PTGER3: variants seen among roughly 807,000 people sequenced by gnomAD.
The protein encoded by PTGER3 is prostaglandin E2 receptor EP3 subtype.
PTGER3 carries 22 observed loss-of-function variants against 34.7 expected under a neutral mutation model. The ratio of observed to expected loss-of-function variants is 0.63; its 90% CI spans 0.45 to 0.91. The LOEUF (loss-of-function observed/expected upper bound fraction) is 0.91, where lower values mean the gene tolerates loss of function less well. Among genes scored for constraint, PTGER3 ranks in the 40% least tolerant of loss-of-function variants. The pLI is 0.00. For missense variants in PTGER3, 468 were observed against 519.4 expected (o/e 0.90, Z 0.96); for synonymous variants, 241 against 230.1 (o/e 1.05, Z -0.43).
chr1:70,869,364 A>G (rs1478496806), intron 4 of PTGER3: 1 of 453,416 alleles, frequency 2.2e-6, no homozygotes, highest in Non-Finnish European at 4.5e-6. Context: ...GGCATGGACA[A>G]ATATCCAAAC....
intron 4 of PTGER3, among the ~76,000 whole-genome samples, chr1:70,891,607 G>A (rs1235158562): frequency 6.6e-6 from 1 of 152,190 alleles, no homozygotes; most frequent in Non-Finnish European, 1.5e-5. Flanking sequence ...TATGGAAATG[G>A]TCAGTGTCAT....
chr1:70,995,313 T>C (rs961055851), intron 2 of PTGER3, among the ~76,000 whole-genome samples: 3 of 152,112 alleles, frequency 2.0e-5, no homozygotes, highest in African/African-American at 4.8e-5. Flanking sequence ...AATGGTAGAT[T>C]GGGATTGGTT....
At chr1:71,019,906 A>G (rs1034723568) in intron 1 of PTGER3, among the ~76,000 whole-genome samples, 17 of 152,168 alleles carry the variant, frequency 1.1e-4, no homozygotes, top group African/African-American at 4.1e-4. Flanking sequence ...AGTGTTTAAG[A>G]GAAGTTTCCT....
intron 4 of PTGER3, among the ~76,000 whole-genome samples, chr1:70,872,197 C>T (rs1040908338): frequency 6.6e-6 from 1 of 152,160 alleles, no homozygotes; most frequent in African/African-American, 2.4e-5. Flanking sequence ...GCACGGGCCT[C>T]TGCTGAGAAA....
chr1:71,025,514 C>T (rs1658848289), intron 1 of PTGER3, among the ~76,000 whole-genome samples: 1 of 149,946 alleles, frequency 6.7e-6, no homozygotes, highest in Non-Finnish European at 1.5e-5. Context: ...ATTTCTAATA[C>T]TTAGTGTCAA....
intron 4 of PTGER3, among the ~76,000 whole-genome samples, chr1:70,940,974 A>G (rs1649705837): frequency 6.6e-6 from 1 of 152,208 alleles, no homozygotes; most frequent in Non-Finnish European, 1.5e-5. Flanking sequence ...ACAAAAATGT[A>G]AAGATAAATG....
intron 2 of PTGER3, among the ~76,000 whole-genome samples, chr1:70,963,652 G>C (rs562845263): frequency 6.6e-6 from 1 of 152,266 alleles, no homozygotes; most frequent in South Asian, 2.1e-4. Context: ...CCAAGCCCCT[G>C]GCCTGCACAC....
intron 4 of PTGER3, among the ~76,000 whole-genome samples, chr1:70,938,439 C>T (rs1259548159): frequency 6.6e-6 from 1 of 152,042 alleles, no homozygotes. Flanking sequence ...AATGATAATG[C>T]TGTGTCTTAA....
chr1:70,891,754 G>T (rs17131478), intron 4 of PTGER3, among the ~76,000 whole-genome samples: 13,114 of 152,078 alleles, frequency 0.086, 1,028 homozygotes, highest in East Asian at 0.23. Flanking sequence ...AAAATAGCAT[G>T]GACTTTCTTG....
chr1:70,943,503 T>C (rs542680407), intron 4 of PTGER3, among the ~76,000 whole-genome samples: 64 of 152,222 alleles, frequency 4.2e-4, no homozygotes, highest in African/African-American at 1.4e-3. Context: ...AGGAACAAGA[T>C]CTTCTGTCAG....
intron 1 of PTGER3, among the ~76,000 whole-genome samples, chr1:71,020,831 T>C (rs1658351747): frequency 1.3e-5 from 2 of 152,180 alleles, no homozygotes; most frequent in South Asian, 2.1e-4. Context: ...TCAATTCTGC[T>C]TCTAGTTTGG....
intron 4 of PTGER3, among the ~76,000 whole-genome samples, chr1:70,933,235 C>T (rs1013693885): frequency 6.6e-6 from 1 of 152,096 alleles, no homozygotes; most frequent in African/African-American, 2.4e-5. Flanking sequence ...TCCCTTGCCT[C>T]TCTGAAGTCT....
At position 71,047,056 on chromosome 1, in the gene PTGER3, G is replaced by A. The variant is rs758894273; in HGVS notation, c.522C>T (p.Thr174=). The change falls in exon 1 of 4, where the codon ACC becomes ACT. Residue 174 remains threonine (T), a synonymous_variant. Coordinates refer to ENST00000306666, the MANE Select transcript of PTGER3 (RefSeq NM_198719.2). ...WYASHMKTRA[T]RAVLLGVWLA... ...GCCACACGCCGAGCAGCACAGCGCGGGTGGCACGCGTCTTCATGTGGCTCG... is the reference window on the plus strand; with the variant it reads ...GCCACACGCCGAGCAGCACAGCGCGAGTGGCACGCGTCTTCATGTGGCTCG... 5.6e-6 allele frequency: 9 copies of A among 1,611,714 alleles called. No homozygotes were observed. Among genetic ancestry groups the A allele is most frequent in the Non-Finnish European group, 7.6e-6 (9 of 1,179,426 alleles).
rs1181322248 is a variant in PTGER3 at position 70,973,236 on chromosome 1, TA to T, written c.1169+1060del. ...GATAGATAGATGATAGATAGATAGA[TA>T]GATAGATAGATAGATAGATAGATAG... On this transcript the variant is annotated intron_variant, in intron 3 of 3. Coordinates refer to ENST00000306666, the MANE Select transcript of PTGER3 (RefSeq NM_198719.2). Among the ~76,000 whole-genome samples, 133 of 143,330 alleles carry T rather than the reference TA, an allele frequency of 9.3e-4. 1 individual carries two copies. Among genetic ancestry groups the T allele is most frequent in the African/African-American group, 3.1e-3 (126 of 40,126 alleles). 94.0% of individuals were successfully genotyped at this position (143,330 alleles called of 152,430 possible).
chr1:70,862,248 C>T (rs889782762), intron 4 of PTGER3: 1 of 954,854 alleles, frequency 1.0e-6, no homozygotes, highest in Non-Finnish European at 1.4e-6. Flanking sequence ...TTTAAACATA[C>T]TAAGTAAAAA....
intron 1 of PTGER3, among the ~76,000 whole-genome samples, chr1:71,040,823 C>T (rs1660250260): frequency 6.6e-6 from 1 of 152,166 alleles, no homozygotes; most frequent in Admixed American, 6.5e-5. Flanking sequence ...GAGATCAGGG[C>T]ACCCAATCAC....
At chr1:70,892,096 T>A (rs1215723428) in intron 4 of PTGER3, among the ~76,000 whole-genome samples, 2 of 152,218 alleles carry the variant, frequency 1.3e-5, no homozygotes, top group African/African-American at 4.8e-5. Flanking sequence ...ACCTACTATG[T>A]AACCTCTTGT....
At chr1:71,033,080 T>G (rs897008120) in intron 1 of PTGER3, among the ~76,000 whole-genome samples, 5 of 152,186 alleles carry the variant, frequency 3.3e-5, no homozygotes, top group African/African-American at 1.2e-4. Context: ...CAAATTTACC[T>G]CCTAATTCTC....
intron 4 of PTGER3, among the ~76,000 whole-genome samples, chr1:70,930,447 C>A (rs1307485390): frequency 6.6e-6 from 1 of 152,224 alleles, no homozygotes; most frequent in East Asian, 1.9e-4. Context: ...TTACACTGTA[C>A]TCATACACTC....
Sources: gnomAD v4.1 joint callset for allele counts (sites outside exome capture counted in the v4.1 genomes callset) on GRCh38, gnomAD v4.1.1 for gene constraint, MANE v1.5 for transcripts, NCBI Gene and HGNC (gene_info 2026-07-23, HGNC 2026-07-21) for gene names.